Variants in SLC18A1 observed in about 807,000 individuals in gnomAD.
The protein encoded by SLC18A1 is chromaffin granule amine transporter.
Under a neutral mutation model 53.7 loss-of-function variants are expected in SLC18A1, and 69 were observed. That is an observed-to-expected ratio of 1.28 (90% CI 1.06 to 1.57). The LOEUF is 1.57. Ranked by LOEUF, SLC18A1 falls within the 40% of genes most tolerant of loss-of-function variation. SLC18A1 has a pLI of 0.00. For synonymous variants in SLC18A1, 320 were observed against 248.1 expected, an observed-to-expected ratio of 1.29 and a Z score of -2.72; for missense variants, 932 against 668.1, an observed-to-expected ratio of 1.40 and a Z score of -4.35.
chr8:20,148,140 T>A, intron 12 of SLC18A1, 70 bp from the exon 13 acceptor site: 2 of 1,371,858 alleles, frequency 1.5e-6, no homozygotes, highest in Non-Finnish European at 2.1e-6. Context: ...TCAAAGAGTT[T>A]TCACATGAAA....
At position 20,172,991 on chromosome 8, in the gene SLC18A1, G is replaced by A. The variant is rs17222106; in HGVS notation, c.724+45C>T. ...ACACCTCGGGAACACCTGCTTCCTA[G>A]AGTCCCACCCTCCCGAACCCAGAGC... is the stretch of plus-strand genomic sequence containing the variant. On this transcript the variant is annotated intron_variant, in intron 6 of 15. Coordinates refer to ENST00000276373, the MANE Select transcript of SLC18A1 (RefSeq NM_003053.4). 1,394 of 1,372,072 alleles carry A rather than the reference G, an allele frequency of 1.0e-3. 14 individuals are homozygous for A. The African/African-American group carries it at 0.017, about 17-fold the overall frequency. 85.0% of individuals were successfully genotyped at this position (1,372,072 alleles called of 1,614,324 possible). A position where few individuals can be genotyped will look rare whatever the true frequency, so the allele number is the denominator to read the frequency against.
At chr8:20,176,548 T>A (rs1189428544) in intron 4 of SLC18A1, among the ~76,000 whole-genome samples, 1 of 152,218 alleles carries the variant, frequency 6.6e-6, no homozygotes, top group Non-Finnish European at 1.5e-5. Flanking sequence ...TTTTTCACTT[T>A]GGACCCTTTA....
At position 20,179,432 on chromosome 8, in the gene SLC18A1, A is replaced by G. The variant is rs1183032200; in HGVS notation, c.177T>C (p.Ser59=). 6.2e-7 allele frequency: 1 copy of G among 1,613,940 alleles called. No individual in the cohort carries two copies. Among genetic ancestry groups the G allele is most frequent in the Non-Finnish European group, 8.5e-7 (1 of 1,180,020 alleles). ...LYDMEFKEVN[S]SLHLGHAGSS... is the part of the protein sequence containing the mutation. ...TTCCGGCATGGCCGAGGTGCAGAGA[A>G]GAGTTGACTTCTTTGAACTCCATGT... Residue 59 remains serine, a synonymous_variant, in exon 3 of 16, where the codon TCT becomes TCC. Coordinates refer to ENST00000276373, the MANE Select transcript of SLC18A1 (RefSeq NM_003053.4).
chr8:20,178,121 AACACACACACAC>A (rs10560327), intron 4 of SLC18A1, among the ~76,000 whole-genome samples: 6 of 148,724 alleles, frequency 4.0e-5, no homozygotes, highest in Non-Finnish European at 7.4e-5. Context: ...TGATGCATAT[AACACACACACAC>A]ACACACACAC....
At chr8:20,181,602 A>G (rs565528025) in intron 1 of SLC18A1, 31 of 152,300 alleles carry the variant, frequency 2.0e-4, no homozygotes, top group African/African-American at 7.2e-4. Flanking sequence ...TTTAAAACCA[A>G]CATAGATATT....
intron 8 of SLC18A1, among the ~76,000 whole-genome samples, chr8:20,170,830 C>T (rs562795791): frequency 2.9e-5 from 3 of 104,634 alleles, no homozygotes; most frequent in South Asian, 3.2e-4. Flanking sequence ...ATATATGTGT[C>T]GAATATATAG....
chr8:20,164,779 C>G, intron 10 of SLC18A1, 90 bp downstream of exon 10: 1 of 949,798 alleles, frequency 1.1e-6, no homozygotes, highest in Non-Finnish European at 1.6e-6. Flanking sequence ...ACAAAGGAAG[C>G]ATGTTGTCCC....
intron 10 of SLC18A1, among the ~76,000 whole-genome samples, chr8:20,153,681 A>G (rs28581346): frequency 0.062 from 9,450 of 151,848 alleles, 752 homozygotes; most frequent in East Asian, 0.28. Flanking sequence ...AAAAAAAGAA[A>G]GAAGTGAGGA....
At chr8:20,152,815 A>C (rs1022546959) in intron 10 of SLC18A1, among the ~76,000 whole-genome samples, 1 of 152,192 alleles carries the variant, frequency 6.6e-6, no homozygotes, top group Non-Finnish European at 1.5e-5. Flanking sequence ...GGAGTAGCCA[A>C]TGAAGTAGGT....
At chr8:20,156,432 GAGGTACCCCCTTAAGGAC>G (rs2071683306) in intron 10 of SLC18A1, among the ~76,000 whole-genome samples, 1 of 152,142 alleles carries the variant, frequency 6.6e-6, no homozygotes, top group African/African-American at 2.4e-5. Context: ...CCAGACTCAG[GAGGTACCCCCTTAAGGAC>G]AGGAAGATAG....
chr8:20,180,755 A>G (rs1585231362), intron 2 of SLC18A1, 86 bp downstream of exon 2: 3 of 1,528,372 alleles, frequency 2.0e-6, no homozygotes, highest in African/African-American at 2.7e-5. Flanking sequence ...TCTCAGATGG[A>G]TTCACTGTTG....
At chr8:20,147,925 T>G (rs1261105613) in intron 13 of SLC18A1, 82 bp downstream of exon 13, 94 of 1,517,612 alleles carry the variant, frequency 6.2e-5, no homozygotes, top group Non-Finnish European at 6.7e-5. Context: ...CTACCTCCTC[T>G]GATGAGAAAA....
intron 4 of SLC18A1, among the ~76,000 whole-genome samples, 172 bp downstream of exon 4, chr8:20,178,263 A>T (rs1407973090): frequency 1.3e-5 from 2 of 152,184 alleles, no homozygotes; most frequent in African/African-American, 4.8e-5. Context: ...CTGAATTGTC[A>T]CTACTGTTCT....
rs754851854 is a variant in SLC18A1, at chr8:20,171,449, G to T, written c.770C>A (p.Ser257Tyr). 10 of 1,614,168 alleles carry T rather than the reference G, an allele frequency of 6.2e-6. No individual in the cohort carries two copies. The highest frequency in any genetic ancestry group is 1.7e-6 in the Non-Finnish European group (2 of 1,180,034). ...GSVMYEFVGK[S>Y]APFLILAFLA... ...GAAGGCCAGGATGAGGAAGGGTGCA[G>T]ACTTCCCAACAAACTCGTACATTAC... Residue 257 changes from serine (S) to tyrosine (Y), a missense_variant, in exon 7 of 16, where the codon TCT becomes TAT. Transcript: ENST00000276373.
At chr8:20,178,547 A>G (rs2072313406) in intron 3 of SLC18A1, 54 bp from the exon 4 acceptor site, 1 of 1,305,050 alleles carries the variant, frequency 7.7e-7, no homozygotes, top group Middle Eastern at 1.9e-4. Flanking sequence ...ACTCACATAC[A>G]TGGACTACAT....
At chr8:20,169,457 A>AT (rs1236701070) in intron 8 of SLC18A1, among the ~76,000 whole-genome samples, 2 of 149,214 alleles carry the variant, frequency 1.3e-5, no homozygotes, top group East Asian at 3.9e-4. Context: ...TTGACATTAC[A>AT]TAAAAAAAAA....
At position 20,171,470 on chromosome 8, in the gene SLC18A1, A is replaced by G. The variant is rs1329827836; in HGVS notation, c.749T>C (p.Met250Thr). ...TGCAGACTTCCCAACAAACTCGTAC[A>G]TTACACTTCCAAAGGGAGCTCCCAC... is the stretch of plus-strand genomic sequence containing the variant. ...LLVGAPFGSV[M>T]YEFVGKSAPF... is the part of the protein sequence containing the mutation. The change falls in exon 7 of 16, where the codon ATG (methionine) becomes ACG (threonine). Residue 250 changes from methionine to threonine, a missense_variant. Coordinates refer to ENST00000276373, the MANE Select transcript of SLC18A1 (RefSeq NM_003053.4). The G allele has an allele frequency of 1.2e-6, 2 of 1,613,980 alleles. No homozygotes were observed. The highest frequency in any genetic ancestry group is 1.3e-5 in the African/African-American group (1 of 74,922).
At chr8:20,160,662 T>C (rs1296473377) in intron 10 of SLC18A1, among the ~76,000 whole-genome samples, 3 of 152,186 alleles carry the variant, frequency 2.0e-5, no homozygotes, top group African/African-American at 4.8e-5. Context: ...TTTTTACAAA[T>C]TAAAAAACTG....
intron 10 of SLC18A1, among the ~76,000 whole-genome samples, chr8:20,163,515 G>A (rs1469734129): frequency 6.6e-6 from 1 of 152,094 alleles, no homozygotes; most frequent in Non-Finnish European, 1.5e-5. Context: ...CACATAGCAA[G>A]CACTCAGAGG....
Sources: gnomAD v4.1 joint callset for allele counts (sites outside exome capture counted in the v4.1 genomes callset) on GRCh38, gnomAD v4.1.1 for gene constraint, MANE v1.5 for transcripts, NCBI Gene and HGNC (gene_info 2026-07-23, HGNC 2026-07-21) for gene names.